The following CPT1B variants were observed in gnomAD, a reference collection of about 807,000 sequenced individuals.
CPT1B encodes the protein carnitine O-palmitoyltransferase 1, muscle isoform.
Under a neutral mutation model 92.7 loss-of-function variants are expected in CPT1B, and 57 were observed. The ratio of observed to expected loss-of-function variants is 0.62; its 90% CI spans 0.50 to 0.77. The LOEUF is 0.77. Among genes scored for constraint, CPT1B ranks in the 30% least tolerant of loss-of-function variants. CPT1B has a pLI of 0.00. For synonymous variants in CPT1B, 398 were observed against 383.5 expected (o/e 1.04, Z -0.44); for missense variants, 983 against 1,017.4 (o/e 0.97, Z 0.46).
chr22:50,574,056 C>T (rs2070317277), intron 9 of CPT1B: 2 of 676,790 alleles, frequency 3.0e-6, no homozygotes, highest in East Asian at 2.8e-5. Context: ...CCTCTGCCGG[C>T]TCCATGGCAG....
Position 50,572,255 on chromosome 22 carries a change from A to C in CPT1B, c.1406T>G (p.Leu469Arg), listed in dbSNP as rs761897805. 2 of 1,614,050 alleles carry C rather than the reference A, an allele frequency of 1.2e-6. No homozygotes were observed. Among genetic ancestry groups the C allele is most frequent in the Non-Finnish European group, 1.7e-6 (2 of 1,180,000 alleles). Reference protein sequence around the residue: ...LISFKNGQLGLNAEHAWADAP... With the variant: ...LISFKNGQLGRNAEHAWADAP... The stretch of plus-strand genomic sequence containing the variant: ...ATCTGCCCACGCATGCTCTGCATTG[A>C]GACCCAACTGGCCATTCTTGAAGGA... Residue 469 changes from leucine to arginine, a missense_variant, in exon 12 of 20, where the codon CTC (leucine) becomes CGC (arginine). Physicochemically the swap from Leu to Arg is moderately radical, Grantham distance 102. Coordinates refer to ENST00000312108, the MANE Select transcript of CPT1B (RefSeq NM_152246.3).
Position 50,571,973 on chromosome 22 carries a change from G to T in CPT1B, c.1575+33C>A, listed in dbSNP as rs763851794. On this transcript the variant is annotated intron_variant, in intron 13 of 19. Coordinates refer to ENST00000312108, the MANE Select transcript of CPT1B (RefSeq NM_152246.3). ...GGCTGTACCCACCTGCTGCTTTGTG[G>T]TCTCACACCTGCTCTGGGAGCTTCC... 3 of 1,590,250 alleles carry T rather than the reference G, an allele frequency of 1.9e-6. No individual in the cohort carries two copies. In the African/African-American group the frequency reaches 4.0e-5, roughly 21 times the overall value.
At chr22:50,572,691 C>T (rs1282991127) in intron 11 of CPT1B, among the ~76,000 whole-genome samples, 184 bp downstream of exon 11, 1 of 152,244 alleles carries the variant, frequency 6.6e-6, no homozygotes, top group Non-Finnish European at 1.5e-5. Context: ...CGCTCCGTTG[C>T]CCAGGCTGGT....
chr22:50,574,785 A>G, intron 7 of CPT1B, 185 bp from the exon 8 acceptor site: 1 of 592,098 alleles, frequency 1.7e-6, no homozygotes, highest in Non-Finnish European at 3.0e-6. Context: ...CCTCTGCTCC[A>G]GCTTCAGCCT....
In CPT1B at chr22:50,573,820, G is replaced by A. The variant is rs760505798; in HGVS notation, c.971-105C>T. On this transcript the variant is annotated intron_variant, in intron 9 of 19. Transcript: ENST00000312108. The surrounding 1 kb of genome is among the most constrained non-coding windows in gnomAD (Gnocchi z 5.0). ...GACCCCTGCAGACCCTGTTTTGCTC[G>A]GCCTCTGCCTGGGCCTTCCTGCCCC... The A allele has an allele frequency of 1.1e-4, 114 of 1,069,388 alleles. No homozygotes were observed. The highest frequency in any genetic ancestry group is 1.4e-4 in the Non-Finnish European group (100 of 707,808). 66.2% of individuals were successfully genotyped at this position (1,069,388 alleles called of 1,614,324 possible).
chr22:50,575,924 C>T (rs1336696222), intron 7 of CPT1B, 111 bp downstream of exon 7: 15 of 981,974 alleles, frequency 1.5e-5, no homozygotes, highest in Non-Finnish European at 2.3e-5. Flanking sequence ...CCATAACCCC[C>T]ACTTGCCCAC....
At position 50,573,961 on chromosome 22, in the gene CPT1B, G is replaced by C; in HGVS notation, c.971-246C>G. ...ACAGAAGAGGAAACGACGCACTAGA[G>C]GGTTGTGCAAACCGCCTAAGGATAC... On this transcript the variant is annotated intron_variant, in intron 9 of 19. Coordinates refer to ENST00000312108, the MANE Select transcript of CPT1B (RefSeq NM_152246.3). The surrounding 1 kb of genome is among the most constrained non-coding windows in gnomAD (Gnocchi z 5.0). 1.4e-6 allele frequency: 1 copy of C among 705,662 alleles called. No homozygotes were observed. Among genetic ancestry groups the C allele is most frequent in the Non-Finnish European group, 2.6e-6 (1 of 378,386 alleles). The allele number at this position is 705,662 out of a possible 1,614,324, so 43.7% of individuals were successfully genotyped here. A position where few individuals can be genotyped will look rare whatever the true frequency, so the allele number is the denominator to read the frequency against.
At position 50,574,398 on chromosome 22, in the gene CPT1B, G is replaced by T; in HGVS notation, c.907C>A (p.Pro303Thr). The T allele has an allele frequency of 6.2e-7, 1 of 1,614,066 alleles. No homozygotes were observed. The highest frequency in any genetic ancestry group is 8.5e-7 in the Non-Finnish European group (1 of 1,179,996). ...CTCTCCATCTGGTAGGAGCACATAG[G>T]CACTATGCCCAGTGCCATCACCTGA... is the stretch of plus-strand genomic sequence containing the variant. ...IKPVMALGIVPMCSYQMERMF... is the reference protein window; with the variant it reads ...IKPVMALGIVTMCSYQMERMF... Residue 303 changes from proline to threonine, a missense_variant, in exon 9 of 20, where the codon CCT becomes ACT. Coordinates refer to ENST00000312108, the MANE Select transcript of CPT1B (RefSeq NM_152246.3).
In CPT1B at chr22:50,573,699, G is replaced by A; in HGVS notation, c.987C>T (p.Leu329=). 6.2e-7 allele frequency: 1 copy of A among 1,612,702 alleles called. No individual in the cohort carries two copies. The highest frequency in any genetic ancestry group is 8.5e-7 in the Non-Finnish European group (1 of 1,179,826). The change falls in exon 10 of 20, where the codon CTC becomes CTT. Residue 329 remains leucine, a synonymous_variant. Coordinates refer to ENST00000312108, the MANE Select transcript of CPT1B (RefSeq NM_152246.3). The surrounding 1 kb of genome is among the most constrained non-coding windows in gnomAD (Gnocchi z 5.0). ...AGACAGCCACGTGCCGGCTGTCTGA[G>A]AGGTGCTGTAGCACATCTGTGATAC... ...PGKDTDVLQH[L]SDSRHVAVYH...
At chr22:50,574,196 G>A in intron 9 of CPT1B, 139 bp downstream of exon 9, 1 of 724,246 alleles carries the variant, frequency 1.4e-6, no homozygotes, top group Non-Finnish European at 2.4e-6. Flanking sequence ...GTAAACAATG[G>A]ATGTCTAGTA....
intron 19 of CPT1B, 24 bp downstream of exon 19, chr22:50,569,312 A>G (rs776471332): frequency 1.2e-6 from 2 of 1,612,056 alleles, no homozygotes; most frequent in African/African-American, 1.3e-5. Context: ...GTGGGGACGA[A>G]AGGGCAGCTG....
rs1284614582 is a variant in CPT1B at position 50,573,925 on chromosome 22, T to C, written c.971-210A>G. ...CTCTCACGCAACACCAACAATCCTA[T>C]AAAGTATTTCACAGAAGAGGAAACG... On this transcript the variant is annotated intron_variant, in intron 9 of 19. Coordinates refer to ENST00000312108, the MANE Select transcript of CPT1B (RefSeq NM_152246.3). The surrounding 1 kb of genome is among the most constrained non-coding windows in gnomAD (Gnocchi z 5.0). 4 of 712,298 alleles carry C rather than the reference T, an allele frequency of 5.6e-6. No homozygotes were observed. Among genetic ancestry groups the C allele is most frequent in the African/African-American group, 3.5e-5 (2 of 57,164 alleles). The allele number at this position is 712,298 out of a possible 1,614,324, so 44.1% of individuals were successfully genotyped here.
At position 50,573,974 on chromosome 22, in the gene CPT1B, C is replaced by T. The variant is rs144829987; in HGVS notation, c.971-259G>A. On this transcript the variant is annotated intron_variant, in intron 9 of 19. Coordinates refer to ENST00000312108, the MANE Select transcript of CPT1B (RefSeq NM_152246.3). This position sits in a 1 kb window ranked among gnomAD's most constrained non-coding sequence, Gnocchi z 5.0. ...CGACGCACTAGAGGGTTGTGCAAAC[C>T]GCCTAAGGATACAGTGTCAGAAGCA... 4.2e-4 allele frequency: 296 copies of T among 702,746 alleles called. 1 individual carries two copies. The African/African-American group carries it at 4.5e-3, about 11-fold the overall frequency. 43.5% of individuals were successfully genotyped at this position (702,746 alleles called of 1,614,324 possible). A position where few individuals can be genotyped will look rare whatever the true frequency, so the allele number is the denominator to read the frequency against.
rs763383673 is a variant in CPT1B, at chr22:50,577,952, G to C, written c.-19-18C>G. 2 of 1,581,646 alleles carry C rather than the reference G, an allele frequency of 1.3e-6. No individual in the cohort carries two copies. The highest frequency in any genetic ancestry group is 8.6e-7 in the Non-Finnish European group (1 of 1,159,746). On this transcript the variant is annotated intron_variant, in intron 1 of 19. Coordinates refer to ENST00000312108, the MANE Select transcript of CPT1B (RefSeq NM_152246.3). ...GTCGGCACCTAGGACGGGGGCAGAT[G>C]GGTGCGCGGGCGCGCTTAGGCCGGC...
chr22:50,571,931 G>A, intron 13 of CPT1B, 75 bp downstream of exon 13: 3 of 1,350,300 alleles, frequency 2.2e-6, no homozygotes, highest in Non-Finnish European at 3.2e-6. Context: ...GGGAGGAGGA[G>A]GCTCAGGCCT....
rs367912090 is a variant in CPT1B at position 50,577,207 on chromosome 22, G to A, written c.281+117C>T. ...ACAATGGTTGTCATAGGGGAGGGCT[G>A]CCCCGTGACTGCCAATGGCTGCTGT... On this transcript the variant is annotated intron_variant, in intron 3 of 19. Transcript: ENST00000312108. 107 of 1,435,868 alleles carry A rather than the reference G, an allele frequency of 7.5e-5. 1 individual carries two copies. In the East Asian group the frequency reaches 1.5e-3, roughly 21 times the overall value. The allele number at this position is 1,435,868 out of a possible 1,614,324, so 88.9% of individuals were successfully genotyped here.
intron 13 of CPT1B, chr22:50,571,744 GA>G: frequency 1.5e-6 from 1 of 660,118 alleles, no homozygotes; most frequent in Non-Finnish European, 2.6e-6. Context: ...GGGAAGTGCT[GA>G]AAATGCTCCA....
intron 7 of CPT1B, 82 bp from the exon 8 acceptor site, chr22:50,574,682 C>A: frequency 1.8e-6 from 2 of 1,106,042 alleles, no homozygotes; most frequent in Non-Finnish European, 2.8e-6. Flanking sequence ...CCAATCTATT[C>A]GGGGGCCTGA....
In CPT1B at chr22:50,571,294, T is replaced by C. The variant is rs982136478; in HGVS notation, c.1741-2A>G. On this transcript the variant is annotated splice_acceptor_variant, in intron 14 of 19. Transcript: ENST00000312108. LOFTEE classifies it high-confidence loss of function. The stretch of plus-strand genomic sequence containing the variant: ...GGTCAGGCAGAACTTACCCCTGTCC[T>C]GGGATATACAGAGGGGTGAATCTGG... 8 of 1,613,820 alleles carry C rather than the reference T, an allele frequency of 5.0e-6. No individual in the cohort carries two copies. Among genetic ancestry groups the C allele is most frequent in the Admixed American group, 1.7e-5 (1 of 60,018 alleles).
Sources: allele counts gnomAD v4.1 joint callset (sites outside exome capture counted in the v4.1 genomes callset), GRCh38; gene constraint gnomAD v4.1.1; non-coding constraint Gnocchi (gnomAD v3.1); transcripts MANE v1.5; gene names NCBI Gene and HGNC (gene_info 2026-07-23, HGNC 2026-07-21).